The following NCOR2 variants were observed in gnomAD, a reference collection of about 807,000 sequenced individuals.
The protein encoded by NCOR2 is nuclear receptor corepressor 2.
Under a neutral mutation model 262.9 loss-of-function variants are expected in NCOR2, and 81 were observed. The ratio of observed to expected loss-of-function variants is 0.31; its 90% confidence interval spans 0.26 to 0.37. NCOR2 has a LOEUF of 0.37. Among genes scored for constraint, NCOR2 ranks in the 10% least tolerant of loss-of-function variants. The pLI is 1.00. For synonymous variants in NCOR2, 1,659 were observed against 1,559.3 expected (o/e 1.06, Z -1.51); for missense variants, 3,385 against 3,621.4 (o/e 0.93, Z 1.68).
intron 3 of NCOR2, among the ~76,000 whole-genome samples, chr12:124,479,013 T>TAAGGGACGGAGACCCTCC (rs1280233679): frequency 1.3e-5 from 2 of 152,124 alleles, no homozygotes; most frequent in Non-Finnish European, 1.5e-5. Flanking sequence ...GGAGACCCTC[T>TAAGGGACGGAGACCCTCC]AGAACCCACA....
At position 124,432,443 on chromosome 12, in the gene NCOR2, T is replaced by C. The variant is rs2044015560; in HGVS notation, c.883-1656A>G. Among the ~76,000 whole-genome samples the C allele has an allele frequency of 6.6e-6, 1 of 151,770 alleles. No individual in the cohort carries two copies. Among genetic ancestry groups the C allele is most frequent in the Admixed American group, 6.6e-5 (1 of 15,240 alleles). ...TGTGTGGCTCAACTGAAATCACAAA[T>C]CCAGTAAAATTTAAGAGTCGGGCTC... On this transcript the variant is annotated intron_variant, in intron 8 of 46. Transcript: ENST00000405201. This position sits in a 1 kb window ranked among gnomAD's most constrained non-coding sequence, Gnocchi z 5.1.
chr12:124,478,922 C>T (rs567453162), intron 3 of NCOR2, among the ~76,000 whole-genome samples: 3 of 152,198 alleles, frequency 2.0e-5, no homozygotes, highest in Admixed American at 6.5e-5. Context: ...TCCCAGAGGG[C>T]GCACCACAGG....
chr12:124,487,667 G>A (rs1208786173), intron 1 of NCOR2, among the ~76,000 whole-genome samples: 3 of 152,228 alleles, frequency 2.0e-5, no homozygotes, highest in Non-Finnish European at 4.4e-5. Context: ...CGTATTTGGC[G>A]CTGAGCCTGG....
Position 124,503,503 on chromosome 12 carries a change from T to C in NCOR2, c.-117-8135A>G, listed in dbSNP as rs930733357. Among the ~76,000 whole-genome samples the C allele has an allele frequency of 6.7e-6, 1 of 149,826 alleles. No individual in the cohort carries two copies. The highest frequency in any genetic ancestry group is 1.5e-5 in the Non-Finnish European group (1 of 67,542). The stretch of plus-strand genomic sequence containing the variant: ...GATGGATGATGGATTGATGGATGGA[T>C]GGATGGATGGACAGAGGATGGACAG... On this transcript the variant is annotated intron_variant, in intron 1 of 46. Coordinates refer to the NCOR2 transcript ENST00000404621. The surrounding 1 kb of genome is among the most constrained non-coding windows in gnomAD (Gnocchi z 4.3).
chr12:124,370,441 A>T (rs2039405092), intron 20 of NCOR2, among the ~76,000 whole-genome samples: 2 of 152,108 alleles, frequency 1.3e-5, no homozygotes, highest in South Asian at 4.1e-4. Flanking sequence ...GGCAGAGACA[A>T]GGGCCCCGCA....
intron 10 of NCOR2, 99 bp from the exon 13 acceptor site, chr12:124,426,899 G>A (rs1593484950): frequency 5.9e-6 from 7 of 1,188,824 alleles, no homozygotes; most frequent in South Asian, 3.6e-5. Flanking sequence ...GATGGTCTGC[G>A]CCAGAGCAGG....
chr12:124,437,524 A>C (rs1220663744), intron 8 of NCOR2, among the ~76,000 whole-genome samples: 1 of 152,214 alleles, frequency 6.6e-6, no homozygotes, highest in Non-Finnish European at 1.5e-5. Context: ...GTGCACCAGG[A>C]AAGGCTCATT....
At chr12:124,407,087 C>T in intron 13 of NCOR2, among the ~76,000 whole-genome samples, 1 of 152,204 alleles carries the variant, frequency 6.6e-6, no homozygotes, top group Non-Finnish European at 1.5e-5. Flanking sequence ...TACCTCCGCC[C>T]TGGGCTGGGG....
At chr12:124,336,551 C>T in intron 38 of NCOR2, 2 of 958,932 alleles carry the variant, frequency 2.1e-6, no homozygotes, top group Non-Finnish European at 1.2e-6. Flanking sequence ...AAACCAACAA[C>T]AAAAAAAACG....
rs189523443 is a variant in NCOR2, at chr12:124,519,879, G to A, written c.-118+15686C>T. Among the ~76,000 whole-genome samples, 61 of 152,318 alleles carry A rather than the reference G, an allele frequency of 4.0e-4. No homozygotes were observed. In the Middle Eastern group the frequency reaches 0.01, roughly 25 times the overall value. On this transcript the variant is annotated intron_variant, in intron 1 of 46. Coordinates refer to the NCOR2 transcript ENST00000404621. ...CAGAGCAGGAGGCTGGCCCAGAGAG[G>A]GTAGGTGACTTGCCCAAGGTCAACA... is the stretch of plus-strand genomic sequence containing the variant.
chr12:124,513,145 C>A (rs1157706166), intron 1 of NCOR2: 2 of 152,370 alleles, frequency 1.3e-5, no homozygotes, highest in Non-Finnish European at 2.9e-5. Flanking sequence ...CAGCCTCTGA[C>A]CCCAGCCACA....
chr12:124,372,525 C>A (rs766069867), exon 20 of NCOR2: 6 of 1,594,948 alleles, frequency 3.8e-6, no homozygotes, highest in South Asian at 1.1e-5. Context: ...TGGCTGGGGG[C>A]TTGGGCCCAT....
chr12:124,462,421 G>A (rs544184438), intron 5 of NCOR2, among the ~76,000 whole-genome samples: 2 of 152,340 alleles, frequency 1.3e-5, no homozygotes, highest in East Asian at 1.9e-4. Flanking sequence ...CGGCCTACCC[G>A]GAGCTTCAGC....
intron 44 of NCOR2, 132 bp from the exon 47 acceptor site, chr12:124,327,765 G>T (rs991764729): frequency 1.5e-6 from 1 of 646,924 alleles, no homozygotes; most frequent in Non-Finnish European, 2.7e-6. Flanking sequence ...GAAATACACA[G>T]TGAGCACATT....
chr12:124,362,378 G>C, intron 21 of NCOR2, 81 bp from the exon 24 acceptor site: 13 of 1,268,688 alleles, frequency 1.0e-5, no homozygotes, highest in South Asian at 2.2e-5. Flanking sequence ...CACGCGACCA[G>C]CCTGGAAACC....
In NCOR2 at chr12:124,517,166, G is replaced by A. The variant is rs1003654471; in HGVS notation, c.-118+18399C>T. On this transcript the variant is annotated intron_variant, in intron 1 of 46. Transcript: ENST00000404621. The surrounding 1 kb of genome is among the most constrained non-coding windows in gnomAD (Gnocchi z 7.6). ...GAGGTCTGCAAAGGGGAGGCAACAC[G>A]CCCAAGGTCACACAGCATAGAGAGG... Among the ~76,000 whole-genome samples the A allele has an allele frequency of 1.3e-5, 2 of 152,108 alleles. No individual in the cohort carries two copies. Among genetic ancestry groups the A allele is most frequent in the African/African-American group, 2.4e-5 (1 of 41,412 alleles).
intron 2 of NCOR2, among the ~76,000 whole-genome samples, chr12:124,484,357 C>T (rs2047664014): frequency 6.6e-6 from 1 of 152,172 alleles, no homozygotes; most frequent in Non-Finnish European, 1.5e-5. Flanking sequence ...CCCAGTTTCC[C>T]CAGCGACTGG....
intron 36 of NCOR2, 24 bp downstream of exon 38, chr12:124,340,270 G>C (rs759043819): frequency 1.9e-5 from 31 of 1,607,954 alleles, no homozygotes; most frequent in Middle Eastern, 3.3e-4. Context: ...CCCGGAGCGG[G>C]GGGTGGGGGC....
chr12:124,450,467 T>C lies in NCOR2; in HGVS notation c.763-600A>G, dbSNP rs144846959. ...GCTTCCGACCCCCATGCTCCTGCAG[T>C]TGCCTACTGTGCTCCACCAGGAGAC... On this transcript the variant is annotated intron_variant, in intron 6 of 46. Coordinates refer to ENST00000405201, the Ensembl canonical transcript of NCOR2. Among the ~76,000 whole-genome samples, 13 of 152,324 alleles carry C rather than the reference T, an allele frequency of 8.5e-5. No individual in the cohort carries two copies. The East Asian group carries it at 1.9e-3, about 23-fold the overall frequency.
Sources: allele counts gnomAD v4.1 joint callset (sites outside exome capture counted in the v4.1 genomes callset), GRCh38; gene constraint gnomAD v4.1.1; non-coding constraint Gnocchi (gnomAD v3.1); transcripts MANE v1.5; gene names NCBI Gene and HGNC (gene_info 2026-07-23, HGNC 2026-07-21).